Variants in NSMCE2 observed in about 807,000 individuals in gnomAD.
NSMCE2 encodes E3 SUMO-protein ligase NSE2.
Under a neutral mutation model 23.8 loss-of-function variants are expected in NSMCE2, and 24 were observed. That is an observed-to-expected ratio of 1.01 (90% confidence interval 0.73 to 1.42). The LOEUF is 1.42. Among genes scored for constraint, NSMCE2 ranks in the 40% most tolerant of loss-of-function variants. NSMCE2 has a pLI of 0.00. For missense variants in NSMCE2, 284 were observed against 296.5 expected, an observed-to-expected ratio of 0.96 and a Z score of 0.31; for synonymous variants, 92 against 94.1, an observed-to-expected ratio of 0.98 and a Z score of 0.13.
intron 5 of NSMCE2, among the ~76,000 whole-genome samples, chr8:125,227,197 C>G (rs1825131986): frequency 6.6e-6 from 1 of 152,130 alleles, no homozygotes; most frequent in African/African-American, 2.4e-5. Flanking sequence ...CCTCCAGATC[C>G]ACAAGACATG....
intron 5 of NSMCE2, among the ~76,000 whole-genome samples, chr8:125,349,547 A>G (rs1044480071): frequency 6.6e-6 from 1 of 151,692 alleles, no homozygotes; most frequent in Non-Finnish European, 1.5e-5. Flanking sequence ...CCAGGAGTTC[A>G]AGACCAGCCT....
Position 125,300,169 on chromosome 8 carries a change from C to CT in NSMCE2, c.419-57037dup, listed in dbSNP as rs531442143. Among the ~76,000 whole-genome samples the CT allele has an allele frequency of 6.4e-3, 909 of 142,306 alleles. 7 individuals are homozygous for CT. Among genetic ancestry groups the CT allele is most frequent in the African/African-American group, 0.017 (648 of 38,952 alleles). 93.4% of individuals were successfully genotyped at this position (142,306 alleles called of 152,430 possible). ...GTGGGTCACTTCAAGGGCTGTGCCT[C>CT]TTTTTTTTTTTTTATTTTGAGACAA... On this transcript the variant is annotated intron_variant, in intron 5 of 7. Coordinates refer to ENST00000287437, the MANE Select transcript of NSMCE2 (RefSeq NM_173685.4).
At chr8:125,304,175 T>G (rs1828666941) in intron 5 of NSMCE2, among the ~76,000 whole-genome samples, 1 of 152,250 alleles carries the variant, frequency 6.6e-6, no homozygotes, top group Non-Finnish European at 1.5e-5. Context: ...TAGTGCTTAA[T>G]GATTAGCCTC....
chr8:125,215,135 C>T (rs928286727), intron 5 of NSMCE2, among the ~76,000 whole-genome samples: 3 of 151,520 alleles, frequency 2.0e-5, no homozygotes. Context: ...TGGTGCGCTG[C>T]ACCCACTAAC....
At chr8:125,307,119 C>G (rs1828795723) in intron 5 of NSMCE2, among the ~76,000 whole-genome samples, 2 of 152,148 alleles carry the variant, frequency 1.3e-5, no homozygotes, top group African/African-American at 4.8e-5. Context: ...CATTTGTTTC[C>G]TTTTCCTCTC....
intron 7 of NSMCE2, among the ~76,000 whole-genome samples, chr8:125,366,014 G>A (rs1175676576): frequency 6.6e-6 from 1 of 152,244 alleles, no homozygotes; most frequent in African/African-American, 2.4e-5. Flanking sequence ...CACTGCACTT[G>A]CTACTGCCTC....
chr8:125,250,245 T>G (rs1384233694), intron 5 of NSMCE2, among the ~76,000 whole-genome samples: 2 of 152,058 alleles, frequency 1.3e-5, no homozygotes, highest in Non-Finnish European at 2.9e-5. Context: ...CTGCCTTGGC[T>G]TCCCAAAGCC....
At chr8:125,228,008 C>A (rs1825173782) in intron 5 of NSMCE2, among the ~76,000 whole-genome samples, 1 of 152,070 alleles carries the variant, frequency 6.6e-6, no homozygotes, top group Non-Finnish European at 1.5e-5. Context: ...CTGTTACATG[C>A]ACTGGTTGTC....
In NSMCE2 at chr8:125,153,997, G is replaced by C. The variant is rs1375260100; in HGVS notation, c.264+2720G>C. Among the ~76,000 whole-genome samples the C allele has an allele frequency of 2.0e-5, 3 of 152,096 alleles. No individual in the cohort carries two copies. In the East Asian group the frequency reaches 5.8e-4, roughly 29 times the overall value. On this transcript the variant is annotated intron_variant, in intron 4 of 7. Coordinates refer to ENST00000287437, the MANE Select transcript of NSMCE2 (RefSeq NM_173685.4). ...TAGGCTACTTAAATTATTGCACAAG[G>C]TGTTCATGGCCTCTGAAATGAATGA...
At chr8:125,340,021 T>G (rs574881156) in intron 5 of NSMCE2, among the ~76,000 whole-genome samples, 43 of 143,832 alleles carry the variant, frequency 3.0e-4, no homozygotes, top group African/African-American at 1.0e-3. Flanking sequence ...TGTTTTTTTT[T>G]TTTTTTTTTT....
intron 1 of NSMCE2, among the ~76,000 whole-genome samples, chr8:125,092,398 T>C (rs976941768): frequency 6.6e-6 from 1 of 152,204 alleles, no homozygotes; most frequent in South Asian, 2.1e-4. Flanking sequence ...GCCAAATCTT[T>C]ATTGGTCCCC....
intron 5 of NSMCE2, among the ~76,000 whole-genome samples, chr8:125,352,489 A>G (rs1263316366): frequency 2.6e-5 from 4 of 152,094 alleles, no homozygotes; most frequent in Non-Finnish European, 5.9e-5. Flanking sequence ...AAAAAAAAAA[A>G]AAAAATTTGG....
intron 3 of NSMCE2, among the ~76,000 whole-genome samples, chr8:125,102,889 G>T (rs1818267216): frequency 6.6e-6 from 1 of 152,154 alleles, no homozygotes; most frequent in Non-Finnish European, 1.5e-5. Flanking sequence ...AGGGATACCA[G>T]CAAAGGAAGG....
chr8:125,299,150 C>G (rs763959494), intron 5 of NSMCE2, among the ~76,000 whole-genome samples: 5 of 152,164 alleles, frequency 3.3e-5, no homozygotes, highest in Non-Finnish European at 5.9e-5. Context: ...ATCACCTACA[C>G]ATAATTTGTA....
At position 125,131,521 on chromosome 8, in the gene NSMCE2, C is replaced by T. The variant is rs1264728748; in HGVS notation, c.158-19650C>T. ...CAAGAATTGAGTTACATCATTACAT[C>T]AGGATATAGATATTGGAACTTATGC... On this transcript the variant is annotated intron_variant, in intron 3 of 7. Coordinates refer to ENST00000287437, the MANE Select transcript of NSMCE2 (RefSeq NM_173685.4). Among the ~76,000 whole-genome samples, 3 of 152,046 alleles carry T rather than the reference C, an allele frequency of 2.0e-5. No homozygotes were observed. In the East Asian group the frequency reaches 5.8e-4, roughly 29 times the overall value.
intron 5 of NSMCE2, among the ~76,000 whole-genome samples, chr8:125,198,232 G>A (rs942802984): frequency 2.0e-5 from 3 of 152,146 alleles, no homozygotes; most frequent in African/African-American, 7.2e-5. Flanking sequence ...ATGTTGAATA[G>A]GAGTGGTGAG....
chr8:125,300,701 A>AGT (rs1462171492), intron 5 of NSMCE2, among the ~76,000 whole-genome samples: 1 of 152,140 alleles, frequency 6.6e-6, no homozygotes, highest in African/African-American at 2.4e-5. Flanking sequence ...AAGTTCAGCA[A>AGT]GTGTATTATG....
intron 5 of NSMCE2, among the ~76,000 whole-genome samples, chr8:125,282,820 G>T (rs1323845253): frequency 1.3e-5 from 2 of 152,252 alleles, no homozygotes. Context: ...TATACACAAT[G>T]CCATGTGTAA....
intron 5 of NSMCE2, among the ~76,000 whole-genome samples, chr8:125,234,986 C>T (rs1013537017): frequency 2.0e-5 from 3 of 152,116 alleles, no homozygotes; most frequent in Admixed American, 2.0e-4. Context: ...CGTGGTGGCT[C>T]AAGCAACCTA....
Sources: gnomAD v4.1 joint callset for allele counts (sites outside exome capture counted in the v4.1 genomes callset) on GRCh38, gnomAD v4.1.1 for gene constraint, MANE v1.5 for transcripts, NCBI Gene and HGNC (gene_info 2026-07-23, HGNC 2026-07-21) for gene names.